The following DNAH7 variants were observed in gnomAD, a reference collection of about 807,000 sequenced individuals.
DNAH7 encodes dynein axonemal heavy chain 7.
DNAH7 carries 397 observed loss-of-function variants against 444.6 expected under a neutral mutation model. That is an observed-to-expected ratio of 0.89 (90% CI 0.82 to 0.97). The LOEUF is 0.97. Ranked by LOEUF, DNAH7 falls within the 50% of genes least tolerant of loss-of-function variation. DNAH7 has a pLI of 0.00. For missense variants in DNAH7, 4,902 were observed against 4,800.8 expected, an observed-to-expected ratio of 1.02 and a Z score of -0.62; for synonymous variants, 1,636 against 1,624.4, an observed-to-expected ratio of 1.01 and a Z score of -0.17.
At chr2:196,020,284 A>G (rs142138903) in intron 8 of DNAH7, among the ~76,000 whole-genome samples, 1 of 152,280 alleles carries the variant, frequency 6.6e-6, no homozygotes, top group African/African-American at 2.4e-5. Context: ...ACCACGTATA[A>G]AAATTATATG....
At chr2:195,959,973 A>G (rs1475072707) in intron 18 of DNAH7, among the ~76,000 whole-genome samples, 2 of 152,220 alleles carry the variant, frequency 1.3e-5, no homozygotes, top group African/African-American at 4.8e-5. Flanking sequence ...TTGATTGTCC[A>G]CTGTCTTTGT....
rs1463503197 is a variant in DNAH7, at chr2:195,884,799, A to G, written c.5549T>C (p.Leu1850Pro). 1.4e-5 allele frequency: 22 copies of G among 1,611,890 alleles called. No individual in the cohort carries two copies. The highest frequency in any genetic ancestry group is 1.9e-5 in the Non-Finnish European group (22 of 1,179,188). The change falls in exon 35 of 65, where the codon CTG becomes CCG. Residue 1850 changes from leucine to proline, a missense_variant. Leu to Pro is a moderately conservative substitution (Grantham distance 98, BLOSUM62 -3). Coordinates refer to ENST00000312428, the MANE Select transcript of DNAH7 (RefSeq NM_018897.3). ...ACCAACGGACCAGATCAATGAAAAC[A>G]GAAAAATGCCCTGCATTGGACAGAT... is the stretch of plus-strand genomic sequence containing the variant. The part of the protein sequence containing the change: ...ETYSLLEGIF[L>P]FSLIWSVGAS...
rs1698910864 is a variant in DNAH7 at position 195,845,169 on chromosome 2, T to C, written c.8782-4A>G. On this transcript the variant is annotated splice_polypyrimidine_tract_variant and splice_region_variant and intron_variant, in intron 46 of 64. Coordinates refer to ENST00000312428, the MANE Select transcript of DNAH7 (RefSeq NM_018897.3). ...TTGTCCACTCTTTAGTTTGATTCTT[T>C]AGAACATCCACAGAAAGATAAAGAA... The C allele has an allele frequency of 6.2e-7, 1 of 1,602,900 alleles. No homozygotes were observed. The highest frequency in any genetic ancestry group is 8.5e-7 in the Non-Finnish European group (1 of 1,175,492).
chr2:195,899,388 G>A (rs1686550284), intron 28 of DNAH7, among the ~76,000 whole-genome samples: 1 of 152,202 alleles, frequency 6.6e-6, no homozygotes, highest in Admixed American at 6.5e-5. Context: ...AGATTTCAGT[G>A]ATGACATACA....
intron 10 of DNAH7, among the ~76,000 whole-genome samples, chr2:196,002,521 T>C (rs746557937): frequency 6.6e-6 from 1 of 152,340 alleles, no homozygotes; most frequent in African/African-American, 2.4e-5. Flanking sequence ...TCTCCAACAC[T>C]ACAGAATTTT....
chr2:195,934,548 A>C lies in DNAH7; in HGVS notation c.3471+43T>G. On this transcript the variant is annotated intron_variant, in intron 21 of 64. Coordinates refer to ENST00000312428, the MANE Select transcript of DNAH7 (RefSeq NM_018897.3). Reference sequence around the variant, plus strand: ...ACAGAATATTTCTAATAACATTCATATTCTAGCATCCTTTTCTAAAAATCA... The same window carrying C: ...ACAGAATATTTCTAATAACATTCATCTTCTAGCATCCTTTTCTAAAAATCA... 3 of 1,571,912 alleles carry C rather than the reference A, an allele frequency of 1.9e-6. No homozygotes were observed. In the East Asian group the frequency reaches 6.7e-5, roughly 35 times the overall value.
intron 59 of DNAH7, 98 bp from the exon 60 acceptor site, chr2:195,776,081 A>C (rs1695044534): frequency 6.9e-7 from 1 of 1,441,322 alleles, no homozygotes; most frequent in African/African-American, 1.4e-5. Flanking sequence ...CAAGTTATTG[A>C]CTGGATAGGC....
rs1380565199 is a variant in DNAH7, at chr2:196,037,009, C to T, written c.399-8962G>A. Among the ~76,000 whole-genome samples, 2 of 152,150 alleles carry T rather than the reference C, an allele frequency of 1.3e-5. 1 individual carries two copies. The highest frequency in any genetic ancestry group is 2.9e-5 in the Non-Finnish European group (2 of 68,024). On this transcript the variant is annotated intron_variant, in intron 5 of 64. Coordinates refer to ENST00000312428, the MANE Select transcript of DNAH7 (RefSeq NM_018897.3). ...TCCATGAGTCATACCAAATCCCTGC[C>T]AGTGCCCCCATGTACCACCTAGGGA...
chr2:195,950,859 A>AC, intron 19 of DNAH7, among the ~76,000 whole-genome samples: 2 of 142,978 alleles, frequency 1.4e-5, no homozygotes, highest in Non-Finnish European at 3.0e-5. Context: ...CTCAAAAAAA[A>AC]AAAAAAAAAA....
chr2:196,018,944 A>T (rs531813202), intron 9 of DNAH7, among the ~76,000 whole-genome samples: 1 of 152,252 alleles, frequency 6.6e-6, no homozygotes, highest in East Asian at 1.9e-4. Context: ...AAATATATGC[A>T]TCTACTATGT....
At chr2:195,795,587 C>T (rs1696095286) in intron 56 of DNAH7, among the ~76,000 whole-genome samples, 1 of 152,106 alleles carries the variant, frequency 6.6e-6, no homozygotes, top group African/African-American at 2.4e-5. Flanking sequence ...ATGAAAGTGG[C>T]CTGAGAAGAA....
chr2:195,896,249 C>G (rs189814327), intron 29 of DNAH7, among the ~76,000 whole-genome samples: 2 of 152,034 alleles, frequency 1.3e-5, no homozygotes, highest in Non-Finnish European at 2.9e-5. Context: ...TATTTTGTTA[C>G]GGTTTTGATT....
chr2:195,952,781 C>T (rs144837610), intron 19 of DNAH7, among the ~76,000 whole-genome samples: 1,758 of 152,228 alleles, frequency 0.012, 24 homozygotes, highest in Middle Eastern at 0.065. Context: ...TCAGCTCCAT[C>T]AGGTCATTTA....
intron 15 of DNAH7, among the ~76,000 whole-genome samples, chr2:195,979,335 C>A (rs1692406893): frequency 6.6e-6 from 1 of 152,164 alleles, no homozygotes; most frequent in Admixed American, 6.5e-5. Flanking sequence ...GGAAACTACA[C>A]AAACACATGG....
chr2:195,805,858 C>T (rs1440338657), intron 54 of DNAH7, among the ~76,000 whole-genome samples: 1 of 152,088 alleles, frequency 6.6e-6, no homozygotes, highest in Non-Finnish European at 1.5e-5. Flanking sequence ...GAGTAGGGCT[C>T]ATAGAGGGAA....
At chr2:195,829,432 A>C (rs2124936766) in intron 48 of DNAH7, among the ~76,000 whole-genome samples, 1 of 152,200 alleles carries the variant, frequency 6.6e-6, no homozygotes, top group East Asian at 1.9e-4. Context: ...TGGCACTGAA[A>C]ACAACTTTCC....
At chr2:195,801,370 T>C (rs7574939) in intron 54 of DNAH7, among the ~76,000 whole-genome samples, 93,322 of 151,906 alleles carry the variant, frequency 0.61, 29,391 homozygotes, top group Non-Finnish European at 0.7. Flanking sequence ...TGCAAATGAA[T>C]AGATTCCCCC....
At chr2:196,003,020 A>G (rs1489102643) in intron 10 of DNAH7, among the ~76,000 whole-genome samples, 19 of 152,064 alleles carry the variant, frequency 1.2e-4, no homozygotes. Context: ...AAAAGAAAAA[A>G]AAAAAAGATG....
chr2:195,825,505 T>C (rs1217274937), intron 48 of DNAH7, among the ~76,000 whole-genome samples: 1 of 152,220 alleles, frequency 6.6e-6, no homozygotes, highest in Non-Finnish European at 1.5e-5. Flanking sequence ...TAGTGTTCTC[T>C]TTTTTAAACC....
Sources: gnomAD v4.1 joint callset for allele counts (sites outside exome capture counted in the v4.1 genomes callset) on GRCh38, gnomAD v4.1.1 for gene constraint, MANE v1.5 for transcripts, NCBI Gene and HGNC (gene_info 2026-07-23, HGNC 2026-07-21) for gene names.